The following CDC73 variants were observed in gnomAD, a reference collection of about 807,000 sequenced individuals.
CDC73 encodes parafibromin.
CDC73 carries 21 observed loss-of-function variants against 83.7 expected under a neutral mutation model. The ratio of observed to expected loss-of-function variants is 0.25; its 90% CI spans 0.18 to 0.36. The LOEUF is 0.36. Ranked by LOEUF, CDC73 falls within the 10% of genes least tolerant of loss-of-function variation. CDC73 has a pLI of 1.00. For synonymous variants in CDC73, 224 were observed against 212.9 expected, an observed-to-expected ratio of 1.05 and a Z score of -0.45; for missense variants, 342 against 653.3, an observed-to-expected ratio of 0.52 and a Z score of 5.19.
intron 13 of CDC73, among the ~76,000 whole-genome samples, chr1:193,215,219 G>T (rs1157773385): frequency 2.0e-5 from 3 of 152,142 alleles, no homozygotes; most frequent in African/African-American, 7.2e-5. Flanking sequence ...CTCAAATTAT[G>T]TGCTGTTAGT....
chr1:193,247,407 C>T (rs1293922876), intron 15 of CDC73, among the ~76,000 whole-genome samples: 1 of 151,844 alleles, frequency 6.6e-6, no homozygotes, highest in Non-Finnish European at 1.5e-5. Flanking sequence ...TCTCTTCAGG[C>T]CTCTCTTTTT....
intron 3 of CDC73, among the ~76,000 whole-genome samples, chr1:193,132,607 C>T (rs928959634): frequency 4.6e-5 from 7 of 151,656 alleles, no homozygotes; most frequent in African/African-American, 1.7e-4. Flanking sequence ...GCCACTGTGC[C>T]CAGCCATTTT....
At chr1:193,130,619 A>G (rs900219574) in intron 3 of CDC73, among the ~76,000 whole-genome samples, 3 of 152,082 alleles carry the variant, frequency 2.0e-5, no homozygotes, top group Non-Finnish European at 2.9e-5. Flanking sequence ...TGCTTCATTT[A>G]TCTCCTCCCT....
intron 3 of CDC73, among the ~76,000 whole-genome samples, 151 bp from the exon 4 acceptor site, chr1:193,135,238 ATG>A (rs2103121322): frequency 6.6e-6 from 1 of 152,358 alleles, no homozygotes; most frequent in South Asian, 2.1e-4. Flanking sequence ...TTTAAATAAC[ATG>A]TTTTTGCAGA....
At chr1:193,163,499 C>T (rs578000999) in intron 10 of CDC73, among the ~76,000 whole-genome samples, 7 of 151,628 alleles carry the variant, frequency 4.6e-5, no homozygotes, top group Non-Finnish European at 1.0e-4. Flanking sequence ...AGAATGAGAC[C>T]CTGCCCGCCC....
At chr1:193,241,944 G>A (rs915831350) in intron 15 of CDC73, among the ~76,000 whole-genome samples, 2 of 152,180 alleles carry the variant, frequency 1.3e-5, no homozygotes, top group African/African-American at 4.8e-5. Context: ...CAGTGGCAAC[G>A]GCCAGTAAGC....
intron 13 of CDC73, among the ~76,000 whole-genome samples, chr1:193,231,082 T>A (rs1193809762): frequency 6.6e-6 from 1 of 152,156 alleles, no homozygotes; most frequent in Non-Finnish European, 1.5e-5. Context: ...AATAGGTGTA[T>A]AATAGACTTT....
intron 10 of CDC73, among the ~76,000 whole-genome samples, chr1:193,196,796 T>C (rs1298026408): frequency 6.6e-6 from 1 of 152,220 alleles, no homozygotes; most frequent in African/African-American, 2.4e-5. Flanking sequence ...TGTGTTGATT[T>C]TGTATTCTGC....
chr1:193,183,854 A>G (rs141916432), intron 10 of CDC73, among the ~76,000 whole-genome samples: 1 of 151,758 alleles, frequency 6.6e-6, no homozygotes, highest in Admixed American at 6.6e-5. Flanking sequence ...AATTATACAG[A>G]TTTTTTTTAA....
At chr1:193,234,173 T>TCACACACACA (rs1473284325) in intron 14 of CDC73, among the ~76,000 whole-genome samples, 1 of 68,368 alleles carries the variant, frequency 1.5e-5, no homozygotes, top group South Asian at 6.7e-4. Context: ...TCTCTCTCTC[T>TCACACACACA]CTCACACACA....
chr1:193,232,746 CA>C (rs1315722952), intron 13 of CDC73, among the ~76,000 whole-genome samples: 6 of 151,582 alleles, frequency 4.0e-5, no homozygotes, highest in African/African-American at 1.5e-4. Flanking sequence ...ACTAAAAATA[CA>C]AAAAAATTAG....
Position 193,254,426 on chromosome 1 carries a change from T to C in CDC73, c.*3714T>C, listed in dbSNP as rs886045737. On this transcript the variant is annotated 3_prime_UTR_variant, in exon 17 of 17. Transcript: ENST00000367435. Reference sequence around the variant, plus strand: ...GAGATTCACCCAGCTATTCTAATGATAGAAATAAAAAGTGGAGAAATGACT... The same window carrying C: ...GAGATTCACCCAGCTATTCTAATGACAGAAATAAAAAGTGGAGAAATGACT... Among the ~76,000 whole-genome samples the C allele has an allele frequency of 6.6e-6, 1 of 152,114 alleles. No homozygotes were observed. The highest frequency in any genetic ancestry group is 6.6e-5 in the Admixed American group (1 of 15,262).
At chr1:193,173,302 C>T (rs757202742) in intron 10 of CDC73, among the ~76,000 whole-genome samples, 7 of 152,188 alleles carry the variant, frequency 4.6e-5, no homozygotes, top group African/African-American at 7.2e-5. Flanking sequence ...AGCACGTGAT[C>T]TTCCATCTTC....
Position 193,253,636 on chromosome 1 carries a change from G to A in CDC73, c.*2924G>A, listed in dbSNP as rs1678079314. The A allele has an allele frequency of 4.3e-6, 1 of 231,228 alleles. No individual in the cohort carries two copies. The highest frequency in any genetic ancestry group is 6.1e-5 in the East Asian group (1 of 16,298). The allele number at this position is 231,228 out of a possible 1,614,324, so 14.3% of individuals were successfully genotyped here. ...TAACTTTTACTAACATTTGTTTTTA[G>A]CAGCACAACAGTAATCCATATAAAA... is the stretch of plus-strand genomic sequence containing the variant. On this transcript the variant is annotated 3_prime_UTR_variant, in exon 17 of 17. Coordinates refer to ENST00000367435, the MANE Select transcript of CDC73 (RefSeq NM_024529.5).
At chr1:193,224,915 T>C (rs1289810479) in intron 13 of CDC73, among the ~76,000 whole-genome samples, 1 of 152,052 alleles carries the variant, frequency 6.6e-6, no homozygotes, top group Non-Finnish European at 1.5e-5. Context: ...TTTCCACAGG[T>C]TTTTGGGGAA....
At chr1:193,169,043 G>T (rs1003176357) in intron 10 of CDC73, among the ~76,000 whole-genome samples, 1 of 151,958 alleles carries the variant, frequency 6.6e-6, no homozygotes, top group South Asian at 2.1e-4. Context: ...CCTGGATTTG[G>T]CTCACTGCTG....
chr1:193,136,067 T>G (rs1486949932), intron 5 of CDC73, among the ~76,000 whole-genome samples: 2 of 152,046 alleles, frequency 1.3e-5, no homozygotes, highest in Non-Finnish European at 2.9e-5. Flanking sequence ...GAGACAGGGT[T>G]TTCCGTGTTG....
chr1:193,143,231 A>G (rs1377939823), intron 7 of CDC73, among the ~76,000 whole-genome samples: 4 of 152,226 alleles, frequency 2.6e-5, no homozygotes, highest in African/African-American at 9.6e-5. Flanking sequence ...GCTTAGAATT[A>G]TAGAGAAATC....
At chr1:193,193,423 A>T (rs1676950579) in intron 10 of CDC73, among the ~76,000 whole-genome samples, 1 of 152,104 alleles carries the variant, frequency 6.6e-6, no homozygotes, top group Non-Finnish European at 1.5e-5. Flanking sequence ...ATATGGTGTC[A>T]CTCATTTTCA....
Sources: gnomAD v4.1 joint callset for allele counts (sites outside exome capture counted in the v4.1 genomes callset) on GRCh38, gnomAD v4.1.1 for gene constraint, MANE v1.5 for transcripts, NCBI Gene and HGNC (gene_info 2026-07-23, HGNC 2026-07-21) for gene names.